KIAA1328: variants seen among roughly 807,000 people sequenced by gnomAD.
KIAA1328 encodes protein hinderin.
KIAA1328 carries 52 observed loss-of-function variants against 68.1 expected under a neutral mutation model. The observed-to-expected ratio is 0.76, with a 90% CI of 0.61 to 0.96. The LOEUF (loss-of-function observed/expected upper bound fraction) is 0.96. Among genes scored for constraint, KIAA1328 ranks in the 40% least tolerant of loss-of-function variants. KIAA1328 has a pLI of 0.00. For missense variants in KIAA1328, 641 were observed against 677.6 expected, an observed-to-expected ratio of 0.95 and a Z score of 0.60; for synonymous variants, 232 against 239.4, an observed-to-expected ratio of 0.97 and a Z score of 0.28.
intron 7 of KIAA1328, among the ~76,000 whole-genome samples, chr18:37,158,395 C>T (rs553504768): frequency 6.6e-6 from 1 of 152,052 alleles, no homozygotes; most frequent in East Asian, 1.9e-4. Context: ...GTGCTCTTGT[C>T]CCCACACGCT....
intron 5 of KIAA1328, among the ~76,000 whole-genome samples, chr18:36,889,501 T>C (rs1433563387): frequency 1.3e-5 from 2 of 152,332 alleles, no homozygotes; most frequent in South Asian, 2.1e-4. Context: ...TTCACTGTTT[T>C]GACTGGCATA....
intron 6 of KIAA1328, among the ~76,000 whole-genome samples, chr18:37,057,519 C>G (rs1313467233): frequency 8.6e-5 from 13 of 151,804 alleles, no homozygotes; most frequent in Admixed American, 8.5e-4. Context: ...GCTCCGCCTC[C>G]CGAGTTCACA....
chr18:37,203,166 A>G (rs1177639284), intron 9 of KIAA1328, among the ~76,000 whole-genome samples: 6 of 152,002 alleles, frequency 3.9e-5, no homozygotes, highest in African/African-American at 1.2e-4. Context: ...CTACCTTCAT[A>G]TCAATGTATT....
At chr18:37,100,687 C>T (rs531503011) in intron 7 of KIAA1328, among the ~76,000 whole-genome samples, 13 of 152,334 alleles carry the variant, frequency 8.5e-5, no homozygotes, top group South Asian at 2.1e-4. Flanking sequence ...TCTCCCAGCA[C>T]GCAGCTTGAG....
At position 37,222,384 on chromosome 18, in the gene KIAA1328, A is replaced by G. The variant is rs2060580999; in HGVS notation, c.*157A>G. The G allele has an allele frequency of 1.4e-6, 2 of 1,444,248 alleles. No individual in the cohort carries two copies. Among genetic ancestry groups the G allele is most frequent in the Non-Finnish European group, 1.8e-6 (2 of 1,106,304 alleles). 89.5% of individuals were successfully genotyped at this position (1,444,248 alleles called of 1,614,324 possible). On this transcript the variant is annotated 3_prime_UTR_variant, in exon 10 of 10. Coordinates refer to ENST00000280020, the MANE Select transcript of KIAA1328 (RefSeq NM_020776.3). ...ATTGAATATAGAAATCATTCTAACAACCCAGGTTATTTTCAATCAGACCAG... is the reference window on the plus strand; with the variant it reads ...ATTGAATATAGAAATCATTCTAACAGCCCAGGTTATTTTCAATCAGACCAG...
intron 7 of KIAA1328, among the ~76,000 whole-genome samples, chr18:37,147,805 A>G (rs910261516): frequency 3.3e-5 from 5 of 152,096 alleles, no homozygotes; most frequent in African/African-American, 7.2e-5. Context: ...TAGCATTTCT[A>G]TATAGTTATG....
chr18:36,868,685 T>TA (rs1425386571), intron 4 of KIAA1328, among the ~76,000 whole-genome samples: 2 of 152,088 alleles, frequency 1.3e-5, no homozygotes, highest in Non-Finnish European at 2.9e-5. Flanking sequence ...TAAGAAGCCT[T>TA]AAAAAAACCA....
At chr18:37,153,358 G>A (rs2059079706) in intron 7 of KIAA1328, among the ~76,000 whole-genome samples, 1 of 152,110 alleles carries the variant, frequency 6.6e-6, no homozygotes, top group Admixed American at 6.6e-5. Flanking sequence ...TACCCCAGAT[G>A]AATGATGCCA....
intron 4 of KIAA1328, among the ~76,000 whole-genome samples, chr18:36,845,604 A>G (rs1176004799): frequency 1.3e-5 from 2 of 151,900 alleles, no homozygotes; most frequent in East Asian, 3.9e-4. Context: ...CATATACAGA[A>G]TATATAAAGA....
intron 5 of KIAA1328, among the ~76,000 whole-genome samples, chr18:36,948,859 G>A (rs1385579035): frequency 6.6e-6 from 1 of 152,164 alleles, no homozygotes; most frequent in Non-Finnish European, 1.5e-5. Context: ...TTTTTTTAAA[G>A]AGCTTTCAGT....
intron 7 of KIAA1328, among the ~76,000 whole-genome samples, chr18:37,097,489 G>C (rs990475821): frequency 3.3e-5 from 5 of 152,182 alleles, no homozygotes; most frequent in Admixed American, 6.5e-5. Context: ...TTGTAGTATA[G>C]TTTGAAGTCA....
chr18:37,169,845 C>T (rs184022063), intron 8 of KIAA1328, among the ~76,000 whole-genome samples: 9 of 152,320 alleles, frequency 5.9e-5, no homozygotes, highest in African/African-American at 2.2e-4. Context: ...TTGTGCCTTA[C>T]AATTATGAGG....
intron 6 of KIAA1328, among the ~76,000 whole-genome samples, chr18:37,002,707 A>G (rs553127428): frequency 6.6e-6 from 1 of 152,200 alleles, no homozygotes; most frequent in East Asian, 1.9e-4. Flanking sequence ...CACAAGAAAC[A>G]AAAAACATCC....
chr18:37,001,472 A>T (rs546821404), intron 6 of KIAA1328, among the ~76,000 whole-genome samples: 1 of 152,292 alleles, frequency 6.6e-6, no homozygotes, highest in African/African-American at 2.4e-5. Flanking sequence ...AATTCTTCCC[A>T]AGCTATTCCA....
intron 4 of KIAA1328, among the ~76,000 whole-genome samples, chr18:36,861,099 C>T (rs1313992960): frequency 6.6e-6 from 1 of 152,022 alleles, no homozygotes; most frequent in Non-Finnish European, 1.5e-5. Context: ...GTTCTAGTAT[C>T]CTGTTTTACA....
At position 37,097,990 on chromosome 18, in the gene KIAA1328, T is replaced by G. The variant is rs183483189; in HGVS notation, c.1232+30445T>G. Among the ~76,000 whole-genome samples the G allele has an allele frequency of 4.6e-5, 7 of 152,268 alleles. No individual in the cohort carries two copies. The East Asian group carries it at 1.3e-3, about 29-fold the overall frequency. ...GATTTTGGGCTGAGACAGTGGGGTT[T>G]TCTAGATGTACAATCATGTCATCTG... On this transcript the variant is annotated intron_variant, in intron 7 of 9. Coordinates refer to ENST00000280020, the MANE Select transcript of KIAA1328 (RefSeq NM_020776.3).
intron 5 of KIAA1328, among the ~76,000 whole-genome samples, chr18:36,935,773 T>A (rs1309858146): frequency 2.6e-5 from 4 of 152,136 alleles, no homozygotes; most frequent in African/African-American, 9.7e-5. Context: ...TGTGTGCGCA[T>A]ATAAGGAGTT....
intron 4 of KIAA1328, among the ~76,000 whole-genome samples, chr18:36,855,257 T>G (rs2047345465): frequency 6.6e-6 from 1 of 152,194 alleles, no homozygotes; most frequent in South Asian, 2.1e-4. Flanking sequence ...TGCAGAGTGT[T>G]TTAATATTTC....
intron 7 of KIAA1328, among the ~76,000 whole-genome samples, chr18:37,090,739 G>A (rs890360965): frequency 7.9e-5 from 12 of 152,272 alleles, no homozygotes; most frequent in South Asian, 2.1e-4. Context: ...GGAAGCAAGT[G>A]TATAGTCTTA....
Sources: gnomAD v4.1 joint callset for allele counts (sites outside exome capture counted in the v4.1 genomes callset) on GRCh38, gnomAD v4.1.1 for gene constraint, MANE v1.5 for transcripts, NCBI Gene and HGNC (gene_info 2026-07-23, HGNC 2026-07-21) for gene names.